C8orf34: variants seen among roughly 807,000 people sequenced by gnomAD.
The protein encoded by C8orf34 is chromosome 8 open reading frame 34.
Under a neutral mutation model 68.3 loss-of-function variants are expected in C8orf34, and 65 were observed. That is an observed-to-expected ratio of 0.95 (90% CI 0.78 to 1.17). C8orf34 has a LOEUF of 1.17. C8orf34 is among the 50% of genes most tolerant of loss of function. The pLI, the probability that C8orf34 is intolerant of heterozygous loss-of-function variation, is 0.00. For synonymous variants in C8orf34, 244 were observed against 241.2 expected (o/e 1.01, Z -0.11); for missense variants, 664 against 655.4 (o/e 1.01, Z -0.14).
intron 3 of C8orf34, among the ~76,000 whole-genome samples, chr8:68,465,481 G>A (rs550755686): frequency 1.4e-4 from 21 of 151,754 alleles, no homozygotes; most frequent in African/African-American, 4.1e-4. Context: ...AAATCATACT[G>A]CTATAAAGAC....
chr8:68,667,729 T>A (rs1270387743), intron 8 of C8orf34, among the ~76,000 whole-genome samples: 1 of 152,148 alleles, frequency 6.6e-6, no homozygotes, highest in Non-Finnish European at 1.5e-5. Context: ...AATATTTTAG[T>A]CAATTATCCT....
intron 12 of C8orf34, among the ~76,000 whole-genome samples, chr8:68,805,677 T>C (rs1408602197): frequency 1.3e-5 from 2 of 152,172 alleles, no homozygotes; most frequent in African/African-American, 4.8e-5. Flanking sequence ...GTATGGTATA[T>C]GATTTTTATT....
In C8orf34 at chr8:68,667,775, C is replaced by T. The variant is rs540014212; in HGVS notation, c.1241+27264C>T. On this transcript the variant is annotated intron_variant, in intron 8 of 13. Coordinates refer to ENST00000518698, the MANE Select transcript of C8orf34 (RefSeq NM_052958.4). ...TAGATACTTGTATTTAAGCCAATTT[C>T]TAGTCACTAGAGGGTTAAGCGAGTG... Among the ~76,000 whole-genome samples, 15 of 152,242 alleles carry T rather than the reference C, an allele frequency of 9.9e-5. No homozygotes were observed. The South Asian group carries it at 3.1e-3, about 32-fold the overall frequency.
At chr8:68,629,799 TTAAG>T (rs1818637023) in intron 7 of C8orf34, among the ~76,000 whole-genome samples, 1 of 152,042 alleles carries the variant, frequency 6.6e-6, no homozygotes, top group East Asian at 1.9e-4. Flanking sequence ...GTGTTTATGT[TTAAG>T]TGAGTGCATG....
intron 1 of C8orf34, among the ~76,000 whole-genome samples, chr8:68,418,204 T>C (rs1809764892): frequency 1.4e-5 from 2 of 141,534 alleles, no homozygotes; most frequent in Admixed American, 1.4e-4. Flanking sequence ...GCTGAGACAA[T>C]GGGGTTTTCT....
chr8:68,623,403 C>T (rs1035889362), intron 7 of C8orf34, among the ~76,000 whole-genome samples: 15 of 152,140 alleles, frequency 9.9e-5, no homozygotes, highest in African/African-American at 3.6e-4. Context: ...CACAGTAGCA[C>T]TCCCCACCCC....
At chr8:68,569,501 C>G (rs1353557302) in intron 7 of C8orf34, among the ~76,000 whole-genome samples, 3 of 150,178 alleles carry the variant, frequency 2.0e-5, no homozygotes, top group Non-Finnish European at 2.9e-5. Flanking sequence ...AGCTGGGACA[C>G]TGCCCCATGG....
At chr8:68,570,695 G>T (rs1284360168) in intron 7 of C8orf34, among the ~76,000 whole-genome samples, 1 of 152,138 alleles carries the variant, frequency 6.6e-6, no homozygotes, top group African/African-American at 2.4e-5. Context: ...GGGTGTTCCA[G>T]AACCAGCAGC....
At chr8:68,330,857 T>A (rs1420429331), upstream of C8orf34, 3 of 594,694 alleles carry the variant, frequency 5.0e-6, no homozygotes, top group Non-Finnish European at 8.1e-6. Context: ...GCGGCCCCTG[T>A]CCGCCCGCGT....
At chr8:68,674,781 G>C (rs960230831) in intron 8 of C8orf34, among the ~76,000 whole-genome samples, 2 of 152,006 alleles carry the variant, frequency 1.3e-5, no homozygotes, top group African/African-American at 2.4e-5. Flanking sequence ...CAATGTCCAC[G>C]TACAAGAAGG....
At chr8:68,534,339 T>A in intron 7 of C8orf34, 1 of 985,216 alleles carries the variant, frequency 1.0e-6, no homozygotes, top group Non-Finnish European at 1.2e-6. Context: ...TATGTGGCAG[T>A]GGTAGCTTCA....
intron 8 of C8orf34, among the ~76,000 whole-genome samples, chr8:68,675,692 C>A (rs1007302380): frequency 6.6e-6 from 1 of 151,208 alleles, no homozygotes; most frequent in African/African-American, 2.4e-5. Flanking sequence ...CACAAAATAC[C>A]CACAAAATAA....
At chr8:68,804,163 C>T (rs1824414910) in intron 12 of C8orf34, among the ~76,000 whole-genome samples, 1 of 152,166 alleles carries the variant, frequency 6.6e-6, no homozygotes, top group Non-Finnish European at 1.5e-5. Flanking sequence ...GTCATTTTCT[C>T]ATTTAAGGCC....
intron 1 of C8orf34, among the ~76,000 whole-genome samples, chr8:68,373,132 A>G (rs1807635611): frequency 6.6e-6 from 1 of 151,982 alleles, no homozygotes. Context: ...AGTAGCTGGG[A>G]TTCAGGTGTG....
intron 1 of C8orf34, among the ~76,000 whole-genome samples, chr8:68,413,506 C>A (rs1809532108): frequency 6.6e-6 from 1 of 152,200 alleles, no homozygotes; most frequent in South Asian, 2.1e-4. Context: ...TATCTCTCAT[C>A]TATCTGGCTA....
At chr8:68,680,290 T>C (rs1415737784) in intron 8 of C8orf34, among the ~76,000 whole-genome samples, 3 of 152,118 alleles carry the variant, frequency 2.0e-5, no homozygotes, top group Admixed American at 2.0e-4. Flanking sequence ...GACATACAAA[T>C]GGCAAACAAG....
At chr8:68,480,896 C>A (rs1265368859) in intron 4 of C8orf34, among the ~76,000 whole-genome samples, 1 of 152,174 alleles carries the variant, frequency 6.6e-6, no homozygotes, top group Non-Finnish European at 1.5e-5. Flanking sequence ...TGCAGCCTGA[C>A]TTTGCAATAG....
chr8:68,576,474 G>A (rs1483979684), intron 7 of C8orf34, among the ~76,000 whole-genome samples: 1 of 151,560 alleles, frequency 6.6e-6, no homozygotes. Flanking sequence ...GCAGAAGGAA[G>A]CGCCAGTTCT....
chr8:68,800,261 T>C (rs1018868353), intron 12 of C8orf34, among the ~76,000 whole-genome samples: 1 of 152,192 alleles, frequency 6.6e-6, no homozygotes, highest in Non-Finnish European at 1.5e-5. Context: ...CATGAATTGA[T>C]GAGAAGAAAA....
Sources: allele counts gnomAD v4.1 joint callset (sites outside exome capture counted in the v4.1 genomes callset), GRCh38; gene constraint gnomAD v4.1.1; transcripts MANE v1.5; gene names NCBI Gene and HGNC (gene_info 2026-07-23, HGNC 2026-07-21).